ZNF540: variants seen among roughly 807,000 people sequenced by gnomAD.
ZNF540 encodes zinc finger protein 540, also known as CTD-3064H18.6.
In ZNF540, 3 loss-of-function variants were observed where a neutral mutation model predicts 11.8. That is an observed-to-expected ratio of 0.25 (90% CI 0.12 to 0.65). The LOEUF is 0.65. Among genes scored for constraint, ZNF540 ranks in the 30% least tolerant of loss-of-function variants. ZNF540 has a pLI of 0.83. For synonymous variants in ZNF540, 247 were observed against 259.0 expected, an observed-to-expected ratio of 0.95 and a Z score of 0.45; for missense variants, 709 against 793.1, an observed-to-expected ratio of 0.89 and a Z score of 1.27.
At chr19:37,604,951 G>A (rs1337312955) in intron 4 of ZNF540, among the ~76,000 whole-genome samples, 1 of 152,192 alleles carries the variant, frequency 6.6e-6, no homozygotes, top group East Asian at 1.9e-4. Context: ...CATCCAAGTA[G>A]TTAGAAGTCT....
rs147700985 is a variant in ZNF540 at position 37,565,167 on chromosome 19, A to C, written c.-73+13502A>C. On this transcript the variant is annotated intron_variant, in intron 1 of 4. Coordinates refer to the ZNF540 transcript ENST00000592533. Reference sequence around the variant, plus strand: ...ATAAAGGCCTTTCCACATTCCTTACATTTGTAGGGCTTCTCTCCGGTATGA... The same window carrying C: ...ATAAAGGCCTTTCCACATTCCTTACCTTTGTAGGGCTTCTCTCCGGTATGA... The C allele has an allele frequency of 5.1e-5, 82 of 1,613,444 alleles. 1 individual carries two copies. The highest frequency in any genetic ancestry group is 2.0e-4 in the South Asian group (18 of 90,962).
chr19:37,586,364 C>A, intron 1 of ZNF540: 1 of 337,766 alleles, frequency 3.0e-6, no homozygotes, highest in Admixed American at 4.8e-5. Flanking sequence ...CTCACCAAAC[C>A]GTGGTACTAA....
At chr19:37,558,609 C>T (rs981928426) in intron 1 of ZNF540, among the ~76,000 whole-genome samples, 59 of 151,980 alleles carry the variant, frequency 3.9e-4, no homozygotes, top group African/African-American at 1.3e-3. Context: ...CCAATTAGGC[C>T]GGGTAGAGAG....
intron 1 of ZNF540, chr19:37,583,935 G>C (rs1317971831): frequency 6.4e-7 from 1 of 1,551,618 alleles, no homozygotes; most frequent in Non-Finnish European, 8.7e-7. Context: ...GAAATTATGG[G>C]GAACAAATTC....
intron 4 of ZNF540, among the ~76,000 whole-genome samples, chr19:37,610,093 G>C (rs568235515): frequency 1.3e-5 from 2 of 152,264 alleles, no homozygotes; most frequent in South Asian, 4.2e-4. Flanking sequence ...CTTTTGTTCT[G>C]ATCTGTAAAG....
intron 1 of ZNF540, among the ~76,000 whole-genome samples, chr19:37,567,411 G>A (rs1345303187): frequency 6.6e-6 from 1 of 152,118 alleles, no homozygotes; most frequent in Non-Finnish European, 1.5e-5. Flanking sequence ...ATCTTTCAAT[G>A]GTTTACCCTT....
chr19:37,581,328 G>A (rs886644129), intron 1 of ZNF540, among the ~76,000 whole-genome samples: 8 of 152,120 alleles, frequency 5.3e-5, no homozygotes, highest in Admixed American at 6.6e-5. Flanking sequence ...GTCAAAGGAT[G>A]TTATTACCAA....
At chr19:37,606,490 A>G (rs865870460) in intron 4 of ZNF540, among the ~76,000 whole-genome samples, 2 of 152,198 alleles carry the variant, frequency 1.3e-5, no homozygotes, top group Admixed American at 6.5e-5. Context: ...ACTTTATAAG[A>G]AACTGCCAAA....
chr19:37,591,415 C>T (rs1044276540), upstream of ZNF540, among the ~76,000 whole-genome samples: 1 of 152,166 alleles, frequency 6.6e-6, no homozygotes, highest in African/African-American at 2.4e-5. Flanking sequence ...CACAATAGTT[C>T]GAAACATATG....
intron 4 of ZNF540, among the ~76,000 whole-genome samples, chr19:37,609,889 CAGT>C (rs1290973731): frequency 6.6e-6 from 1 of 151,756 alleles, no homozygotes; most frequent in Non-Finnish European, 1.5e-5. Flanking sequence ...AAGAAAAAAA[CAGT>C]AGAGTGAGCA....
chr19:37,590,119 A>C (rs533871221), upstream of ZNF540, among the ~76,000 whole-genome samples: 9 of 59,108 alleles, frequency 1.5e-4, no homozygotes, highest in East Asian at 5.8e-3. Flanking sequence ...AAAAGGCTAT[A>C]AGGAGCTGGG....
intron 1 of ZNF540, 130 bp downstream of exon 1, chr19:37,595,225 TG>T (rs1352154502): frequency 6.6e-6 from 1 of 152,448 alleles, no homozygotes; most frequent in Non-Finnish European, 1.5e-5. Flanking sequence ...CGTGTGTGTG[TG>T]GGTCTGTGCG....
chr19:37,556,859 T>C (rs544532541), intron 1 of ZNF540, among the ~76,000 whole-genome samples: 4 of 152,286 alleles, frequency 2.6e-5, no homozygotes, highest in Admixed American at 2.6e-4. Context: ...CTAAGATTAA[T>C]TTTGTAAGAG....
intron 1 of ZNF540, chr19:37,555,668 G>A (rs945389405): frequency 3.6e-6 from 2 of 553,538 alleles, no homozygotes; most frequent in Non-Finnish European, 6.4e-6. Flanking sequence ...CTGGAACATA[G>A]GGTCACCTAG....
chr19:37,575,651 C>T (rs1470273807), intron 1 of ZNF540: 2 of 152,170 alleles, frequency 1.3e-5, no homozygotes, highest in African/African-American at 4.8e-5. Context: ...TAAGATTGCC[C>T]ATTCATTCCT....
At chr19:37,578,420 A>G (rs1193433127) in intron 1 of ZNF540, among the ~76,000 whole-genome samples, 2 of 152,152 alleles carry the variant, frequency 1.3e-5, no homozygotes, top group Non-Finnish European at 2.9e-5. Context: ...TCCTGGGCAC[A>G]GGAGGAACCC....
chr19:37,564,984 T>G (rs1328386507), intron 1 of ZNF540: 1 of 1,613,468 alleles, frequency 6.2e-7, no homozygotes, highest in Non-Finnish European at 8.5e-7. Context: ...CGTACAAAGG[T>G]CTTCCCACAT....
chr19:37,582,703 C>T (rs1402167342), intron 1 of ZNF540, among the ~76,000 whole-genome samples: 1 of 152,164 alleles, frequency 6.6e-6, no homozygotes, highest in Non-Finnish European at 1.5e-5. Flanking sequence ...ACCCTGATGC[C>T]TCTATTGCCA....
In ZNF540 at chr19:37,614,003, A is replaced by C; in HGVS notation, c.*740A>C. The C allele has an allele frequency of 2.5e-6, 1 of 396,656 alleles. No homozygotes were observed. The highest frequency in any genetic ancestry group is 4.4e-6 in the Non-Finnish European group (1 of 225,174). 24.6% of individuals were successfully genotyped at this position (396,656 alleles called of 1,614,324 possible). A position where few individuals can be genotyped will look rare whatever the true frequency, so the allele number is the denominator to read the frequency against. On this transcript the variant is annotated 3_prime_UTR_variant, in exon 5 of 5. Coordinates refer to ENST00000316433, the MANE Select transcript of ZNF540 (RefSeq NM_001172225.3). ...AGAAGTCAGCAGTCTACAGTGCAAAAGAGGGCCTTCACCAGAACCCAAGCA... is the reference window on the plus strand; with the variant it reads ...AGAAGTCAGCAGTCTACAGTGCAAACGAGGGCCTTCACCAGAACCCAAGCA...
Sources: gnomAD v4.1 joint callset for allele counts (sites outside exome capture counted in the v4.1 genomes callset) on GRCh38, gnomAD v4.1.1 for gene constraint, MANE v1.5 for transcripts, NCBI Gene and HGNC (gene_info 2026-07-23, HGNC 2026-07-21) for gene names.